The following SRGAP3 variants were observed in gnomAD, a reference collection of about 807,000 sequenced individuals.
The protein encoded by SRGAP3 is SLIT-ROBO Rho GTPase activating protein 3, also known as SLIT-ROBO Rho GTPase-activating protein 3.
A neutral mutation model predicts 121.1 loss-of-function variants in SRGAP3; 39 were observed. The ratio of observed to expected loss-of-function variants is 0.32; its 90% CI spans 0.25 to 0.42. The LOEUF is 0.42. Ranked by LOEUF, SRGAP3 falls within the 10% of genes least tolerant of loss-of-function variation. The pLI is 1.00. For missense variants in SRGAP3, 1,213 were observed against 1,470.6 expected (o/e 0.82, Z 2.86); for synonymous variants, 601 against 570.0 (o/e 1.05, Z -0.77).
chr3:9,357,438 T>C (rs866844563), intron 1 of SRGAP3, among the ~76,000 whole-genome samples: 5 of 152,016 alleles, frequency 3.3e-5, no homozygotes, highest in African/African-American at 1.2e-4. Context: ...TCCATCCATA[T>C]TGTAGCATGC....
intron 3 of SRGAP3, among the ~76,000 whole-genome samples, chr3:9,097,899 C>T (rs1048103895): frequency 6.6e-6 from 1 of 152,190 alleles, no homozygotes; most frequent in African/African-American, 2.4e-5. Flanking sequence ...GACTGCACCA[C>T]AGTCCGACTT....
At chr3:9,307,245 A>C (rs1385276465) in intron 3 of SRGAP3, among the ~76,000 whole-genome samples, 1 of 152,184 alleles carries the variant, frequency 6.6e-6, no homozygotes, top group Non-Finnish European at 1.5e-5. Flanking sequence ...AAGTGCTGGG[A>C]TTACAGGCAT....
chr3:9,034,745 G>A (rs1248354856), intron 11 of SRGAP3: 2 of 152,044 alleles, frequency 1.3e-5, no homozygotes, highest in Non-Finnish European at 2.9e-5. Context: ...TTTTGAGGAT[G>A]TATGTATGTG....
chr3:9,100,310 C>A (rs769644300), intron 3 of SRGAP3, among the ~76,000 whole-genome samples: 2 of 152,170 alleles, frequency 1.3e-5, no homozygotes, highest in Non-Finnish European at 2.9e-5. Flanking sequence ...GGCTCTTATT[C>A]ATCCGTCAAC....
chr3:9,102,235 C>T (rs1240033411), intron 3 of SRGAP3, among the ~76,000 whole-genome samples: 1 of 152,224 alleles, frequency 6.6e-6, no homozygotes, highest in Non-Finnish European at 1.5e-5. Context: ...CTTGGCTCAC[C>T]TCTGCATATT....
chr3:9,125,051 G>A (rs761171824), intron 1 of SRGAP3, 134 bp from the exon 2 acceptor site: 71 of 1,011,444 alleles, frequency 7.0e-5, no homozygotes, highest in Non-Finnish European at 6.4e-5. Context: ...TCTGAGCCCA[G>A]CCAGAGCTCA....
intron 1 of SRGAP3, among the ~76,000 whole-genome samples, chr3:9,346,151 GAA>G (rs1253168346): frequency 6.6e-6 from 1 of 152,068 alleles, no homozygotes; most frequent in Non-Finnish European, 1.5e-5. Flanking sequence ...CTGCACATGT[GAA>G]AACACAGGTT....
upstream of SRGAP3, among the ~76,000 whole-genome samples, chr3:9,249,942 C>G (rs1311163094): frequency 6.6e-6 from 1 of 152,190 alleles, no homozygotes; most frequent in African/African-American, 2.4e-5. Flanking sequence ...TTTCTGGAAT[C>G]AACAGCTATA....
chr3:9,340,713 C>A (rs557114679), intron 1 of SRGAP3, among the ~76,000 whole-genome samples: 1 of 152,010 alleles, frequency 6.6e-6, no homozygotes, highest in Non-Finnish European at 1.5e-5. Flanking sequence ...AGTACCCAGC[C>A]CCATTTCTTG....
intron 8 of SRGAP3, among the ~76,000 whole-genome samples, chr3:9,054,774 G>A (rs550860955): frequency 5.3e-5 from 8 of 152,346 alleles, no homozygotes; most frequent in Non-Finnish European, 7.3e-5. Flanking sequence ...GCTATGGTGC[G>A]TTGTGTTTGG....
intron 21 of SRGAP3, 37 bp downstream of exon 21, chr3:8,990,474 CT>C (rs1553633583): frequency 6.5e-7 from 1 of 1,549,246 alleles, no homozygotes. Flanking sequence ...CCCTCTGGGG[CT>C]TTTGGCTGCC....
chr3:9,362,445 T>C (rs1480927234), intron 1 of SRGAP3, among the ~76,000 whole-genome samples: 3 of 149,262 alleles, frequency 2.0e-5, no homozygotes, highest in East Asian at 4.1e-4. Context: ...ATTACAGGCA[T>C]GAGCCACTGT....
At chr3:9,027,022 T>C in intron 12 of SRGAP3, 27 bp from the exon 13 acceptor site, 1 of 1,611,990 alleles carries the variant, frequency 6.2e-7, no homozygotes, top group Non-Finnish European at 8.5e-7. Flanking sequence ...TTGTGAGTTT[T>C]ATGGGGCTTG....
At chr3:9,328,673 G>A (rs548733742) in intron 2 of SRGAP3, among the ~76,000 whole-genome samples, 5 of 152,316 alleles carry the variant, frequency 3.3e-5, no homozygotes, top group Admixed American at 2.6e-4. Flanking sequence ...GAAGAGAAGA[G>A]AATAGACAAG....
intron 1 of SRGAP3, among the ~76,000 whole-genome samples, chr3:9,206,386 C>T (rs1037158683): frequency 2.0e-5 from 3 of 152,144 alleles, no homozygotes; most frequent in South Asian, 4.1e-4. Flanking sequence ...GTCTGATTCC[C>T]GAGCCCATGT....
chr3:9,204,253 G>A (rs1416349379), intron 1 of SRGAP3, among the ~76,000 whole-genome samples: 1 of 152,258 alleles, frequency 6.6e-6, no homozygotes, highest in Non-Finnish European at 1.5e-5. Flanking sequence ...CAGAGGGCCT[G>A]CCAGAAAGGC....
chr3:9,192,142 C>A (rs1381566389), intron 1 of SRGAP3, among the ~76,000 whole-genome samples: 1 of 152,216 alleles, frequency 6.6e-6, no homozygotes, highest in African/African-American at 2.4e-5. Flanking sequence ...AAAAGGTTAA[C>A]TCCACTAGCT....
At chr3:9,004,753 A>G (rs1942969468) in intron 18 of SRGAP3, among the ~76,000 whole-genome samples, 1 of 152,252 alleles carries the variant, frequency 6.6e-6, no homozygotes, top group African/African-American at 2.4e-5. Context: ...CCATTACCTT[A>G]TGCCAAAATT....
At chr3:9,019,880 G>A (rs950596768) in intron 14 of SRGAP3, among the ~76,000 whole-genome samples, 4 of 152,202 alleles carry the variant, frequency 2.6e-5, no homozygotes, top group Admixed American at 6.5e-5. Flanking sequence ...TCTCTCAAAT[G>A]TTCCCACTGG....
Sources: gnomAD v4.1 joint callset for allele counts (sites outside exome capture counted in the v4.1 genomes callset) on GRCh38, gnomAD v4.1.1 for gene constraint, MANE v1.5 for transcripts, NCBI Gene and HGNC (gene_info 2026-07-23, HGNC 2026-07-21) for gene names.